Variants in ABCG8 observed in about 807,000 individuals in gnomAD.
ABCG8 encodes ATP-binding cassette sub-family G member 8.
ABCG8 carries 81 observed loss-of-function variants against 71.3 expected under a neutral mutation model. That is an observed-to-expected ratio of 1.14 (90% CI 0.95 to 1.37). The LOEUF (loss-of-function observed/expected upper bound fraction) is 1.37, where lower values mean the gene tolerates loss of function less well. Among genes scored for constraint, ABCG8 ranks in the 40% most tolerant of loss-of-function variants. ABCG8 has a pLI of 0.00. For synonymous variants in ABCG8, 451 were observed against 354.7 expected, an observed-to-expected ratio of 1.27 and a Z score of -3.05; for missense variants, 1,119 against 866.2, an observed-to-expected ratio of 1.29 and a Z score of -3.66.
rs1670015065 is a variant in ABCG8 at position 43,877,847 on chromosome 2, T to C, written c.1956T>C (p.Gly652=). ...AIYLIVIGLS[G]GFMVLYYVSL... ...ACCTCATCGTCATTGGCCTCAGCGG[T>C]GGCTTCATGGTCCTGTACTACGTGT... Residue 652 remains glycine, a synonymous_variant, in exon 13 of 13, where the codon GGT becomes GGC. Transcript: ENST00000272286. The C allele has an allele frequency of 6.2e-7, 1 of 1,614,104 alleles. No individual in the cohort carries two copies. Among genetic ancestry groups the C allele is most frequent in the Admixed American group, 1.7e-5 (1 of 60,016 alleles).
chr2:43,850,134 G>T (rs1004613368), intron 3 of ABCG8, among the ~76,000 whole-genome samples: 2 of 152,014 alleles, frequency 1.3e-5, no homozygotes, highest in Admixed American at 6.6e-5. Flanking sequence ...TGAGGCAGGG[G>T]AATCTCTTGA....
At chr2:43,849,217 G>A (rs116800156) in intron 3 of ABCG8, among the ~76,000 whole-genome samples, 1,625 of 152,104 alleles carry the variant, frequency 0.011, 34 homozygotes, top group African/African-American at 0.037. Context: ...GTATTAGTCC[G>A]TTTTCACACT....
In ABCG8 at chr2:43,852,842, G is replaced by A. The variant is rs745365455; in HGVS notation, c.938G>A (p.Arg313His). Reference sequence around the variant, plus strand: ...ACAGCCATCGGCTACCCCTGTCCTCGCTACAGCAATCCTGCTGACTTCTAT... The same window carrying A: ...ACAGCCATCGGCTACCCCTGTCCTCACTACAGCAATCCTGCTGACTTCTAT... ...YFTAIGYPCP[R>H]YSNPADFYVD... The change falls in exon 6 of 13, where the codon CGC (arginine) becomes CAC (histidine). Residue 313 changes from arginine to histidine, a missense_variant. Transcript: ENST00000272286. The A allele has an allele frequency of 7.4e-6, 12 of 1,614,072 alleles. No individual in the cohort carries two copies. The highest frequency in any genetic ancestry group is 2.2e-5 in the South Asian group (2 of 91,078).
intron 1 of ABCG8, among the ~76,000 whole-genome samples, chr2:43,839,472 G>A (rs957123718): frequency 8.0e-6 from 1 of 125,754 alleles, no homozygotes; most frequent in African/African-American, 3.0e-5. Flanking sequence ...TGTTGCCCAG[G>A]CTGGAGTGCA....
At chr2:43,848,279 G>C (rs542846649) in intron 3 of ABCG8, 1 of 152,328 alleles carries the variant, frequency 6.6e-6, no homozygotes, top group South Asian at 2.1e-4. Flanking sequence ...AGTATTTATA[G>C]ACAGAAAAAG....
chr2:43,866,989 A>T (rs908280399), intron 6 of ABCG8, among the ~76,000 whole-genome samples: 122 of 151,910 alleles, frequency 8.0e-4, no homozygotes, highest in Non-Finnish European at 1.4e-3. Context: ...AATGTGGCAC[A>T]TATACACCAT....
intron 2 of ABCG8, among the ~76,000 whole-genome samples, chr2:43,845,098 G>GTGTGTA (rs1475861294): frequency 7.7e-6 from 1 of 130,136 alleles, no homozygotes; most frequent in Non-Finnish European, 1.6e-5. Flanking sequence ...GTGTGTGTGT[G>GTGTGTA]TATATATATA....
chr2:43,852,273 C>T (rs968120054), intron 4 of ABCG8, 81 bp from the exon 5 acceptor site: 70 of 1,594,912 alleles, frequency 4.4e-5, no homozygotes, highest in Middle Eastern at 2.3e-4. Context: ...GAGGAGCGGG[C>T]GCCTTTATCC....
At chr2:43,862,788 T>A (rs1327644122) in intron 6 of ABCG8, among the ~76,000 whole-genome samples, 2 of 150,594 alleles carry the variant, frequency 1.3e-5, no homozygotes, top group African/African-American at 4.9e-5. Context: ...TCTCACTATC[T>A]CTCTGTGTAG....
chr2:43,873,666 A>C (rs181720263), intron 8 of ABCG8, 121 bp from the exon 9 acceptor site: 1 of 933,420 alleles, frequency 1.1e-6, no homozygotes, highest in East Asian at 2.4e-5. Flanking sequence ...TCTATGAGGC[A>C]GGTATTACCA....
At chr2:43,876,698 C>T (rs1669968581) in intron 11 of ABCG8, among the ~76,000 whole-genome samples, 1 of 130,864 alleles carries the variant, frequency 7.6e-6, no homozygotes, top group Admixed American at 7.8e-5. Flanking sequence ...GAGACCATGT[C>T]AATATAAAGG....
intron 3 of ABCG8, among the ~76,000 whole-genome samples, 185 bp from the exon 4 acceptor site, chr2:43,851,399 G>T (rs890299997): frequency 6.6e-6 from 1 of 152,256 alleles, no homozygotes; most frequent in South Asian, 2.1e-4. Flanking sequence ...CAGACAGAAG[G>T]CTTGGAGCTC....
intron 9 of ABCG8, 119 bp downstream of exon 9, chr2:43,874,105 GT>G (rs2104947601): frequency 1.8e-6 from 2 of 1,120,650 alleles, no homozygotes; most frequent in East Asian, 2.4e-5. Flanking sequence ...AGACAATAAT[GT>G]TTTTAAAGTT....
At chr2:43,867,261 G>A (rs1421986788) in intron 6 of ABCG8, among the ~76,000 whole-genome samples, 8 of 151,626 alleles carry the variant, frequency 5.3e-5, no homozygotes, top group Admixed American at 2.6e-4. Flanking sequence ...ACGAGTTAGC[G>A]GGTGCAGCGC....
At chr2:43,845,096 GTGTATATA>G (rs772842494) in intron 2 of ABCG8, among the ~76,000 whole-genome samples, 1 of 134,762 alleles carries the variant, frequency 7.4e-6, no homozygotes, top group South Asian at 2.2e-4. Context: ...GTGTGTGTGT[GTGTATATA>G]TATATATATA....
intron 11 of ABCG8, 23 bp from the exon 12 acceptor site, chr2:43,877,537 AG>A (rs1238740237): frequency 6.2e-7 from 1 of 1,613,180 alleles, no homozygotes; most frequent in Non-Finnish European, 8.5e-7. Flanking sequence ...GACACCTGTG[AG>A]TAACGCGGCT....
At chr2:43,845,070 T>TTA (rs1314145515) in intron 2 of ABCG8, among the ~76,000 whole-genome samples, 1 of 142,180 alleles carries the variant, frequency 7.0e-6, no homozygotes, top group East Asian at 2.0e-4. Context: ...ATTTCATTAG[T>TTA]TATATATATA....
chr2:43,859,824 T>A lies in ABCG8; in HGVS notation c.964+6956T>A, dbSNP rs548577235. 1.3e-4 allele frequency among the ~76,000 whole-genome samples: 19 copies of A among 151,230 alleles called. No homozygotes were observed. In the South Asian group the frequency reaches 4.0e-3, roughly 32 times the overall value. The stretch of plus-strand genomic sequence containing the variant: ...ATCCGTCTGGATAGAATTCTCACCA[T>A]CTAGTTAGAACTTTCACTATCTGGA... On this transcript the variant is annotated intron_variant, in intron 6 of 12. Transcript: ENST00000272286.
At chr2:43,850,301 C>G (rs902795696) in intron 3 of ABCG8, among the ~76,000 whole-genome samples, 1 of 152,138 alleles carries the variant, frequency 6.6e-6, no homozygotes, top group Non-Finnish European at 1.5e-5. Context: ...AGCCTGAGCC[C>G]AATCCGCATT....
Sources: allele counts gnomAD v4.1 joint callset (sites outside exome capture counted in the v4.1 genomes callset), GRCh38; gene constraint gnomAD v4.1.1; transcripts MANE v1.5; gene names NCBI Gene and HGNC (gene_info 2026-07-23, HGNC 2026-07-21).